Variants in ST3GAL2 observed in about 807,000 individuals in gnomAD.
ST3GAL2 encodes CMP-N-acetylneuraminate-beta-galactosamide-alpha-2,3-sialyltransferase 2.
A neutral mutation model predicts 37.5 loss-of-function variants in ST3GAL2; 16 were observed. The ratio of observed to expected loss-of-function variants is 0.43; its 90% confidence interval spans 0.29 to 0.65. The LOEUF (loss-of-function observed/expected upper bound fraction) is 0.65. Among genes scored for constraint, ST3GAL2 ranks in the 30% least tolerant of loss-of-function variants. ST3GAL2 has a pLI of 0.17. For synonymous variants in ST3GAL2, 238 were observed against 202.9 expected (o/e 1.17, Z -1.47); for missense variants, 383 against 487.8 (o/e 0.79, Z 2.02).
chr16:70,381,619 TGGTCCTG>T lies in ST3GAL2; in HGVS notation c.*63_*69del. 6.4e-7 allele frequency: 1 copy of T among 1,555,500 alleles called. No homozygotes were observed. Among genetic ancestry groups the T allele is most frequent in the East Asian group, 2.3e-5 (1 of 43,692 alleles). On this transcript the variant is annotated 3_prime_UTR_variant, in exon 7 of 7. Transcript: ENST00000342907. ...TGCAGCATGATTGGTCGCGGGTTGCTGGTCCTGGGTCCCGGGCCGGAGCCCCGGTGCC... is the reference window on the plus strand; with the variant it reads ...TGCAGCATGATTGGTCGCGGGTTGCTGGTCCCGGGCCGGAGCCCCGGTGCC...
intron 5 of ST3GAL2, 62 bp downstream of exon 5, chr16:70,383,128 C>T: frequency 6.2e-7 from 1 of 1,601,532 alleles, no homozygotes; most frequent in Non-Finnish European, 8.5e-7. Flanking sequence ...AGCTACAGGA[C>T]CAGGCACACA....
At chr16:70,405,774 C>T (rs1354617983) in intron 1 of ST3GAL2, among the ~76,000 whole-genome samples, 2 of 151,606 alleles carry the variant, frequency 1.3e-5, no homozygotes, top group Admixed American at 1.3e-4. Flanking sequence ...TTAAAAGCCA[C>T]TGACAGCCAG....
intron 1 of ST3GAL2, among the ~76,000 whole-genome samples, chr16:70,409,646 T>C (rs943044031): frequency 6.6e-6 from 1 of 151,840 alleles, no homozygotes; most frequent in East Asian, 1.9e-4. Flanking sequence ...CCCAGGCTTT[T>C]TCCCCCTTTT....
At chr16:70,403,289 C>A (rs756832588) in intron 1 of ST3GAL2, among the ~76,000 whole-genome samples, 38 of 152,076 alleles carry the variant, frequency 2.5e-4, no homozygotes, top group Admixed American at 2.0e-4. Context: ...GAGGCTGTGG[C>A]CTGAGCAACC....
chr16:70,431,825 G>T (rs968495865), intron 1 of ST3GAL2, among the ~76,000 whole-genome samples: 6 of 151,902 alleles, frequency 3.9e-5, no homozygotes, highest in Non-Finnish European at 8.8e-5. Context: ...TTAGCCAGGC[G>T]TGGTGGCGGG....
At position 70,399,507 on chromosome 16, in the gene ST3GAL2, C is replaced by A; in HGVS notation, c.-977G>T. 1 of 398,382 alleles carries A rather than the reference C, an allele frequency of 2.5e-6. No homozygotes were observed. Among genetic ancestry groups the A allele is most frequent in the South Asian group, 1.3e-4 (1 of 7,568 alleles). 24.7% of individuals were successfully genotyped at this position (398,382 alleles called of 1,614,324 possible). A position where few individuals can be genotyped will look rare whatever the true frequency, so the allele number is the denominator to read the frequency against. ...CCCTGGCAGGTTCCCCTTCACATGT[C>A]GGGCGCCAGGCTGCCGCAGCACGAC... On this transcript the variant is annotated 5_prime_UTR_variant, in exon 2 of 7. Transcript: ENST00000342907.
intron 3 of ST3GAL2, among the ~76,000 whole-genome samples, chr16:70,388,949 C>A (rs2047461928): frequency 6.7e-6 from 1 of 149,102 alleles, no homozygotes; most frequent in African/African-American, 2.5e-5. Context: ...GTGGCATGTA[C>A]CTGTAATCCC....
chr16:70,410,669 A>G (rs985541235), intron 1 of ST3GAL2, among the ~76,000 whole-genome samples: 2 of 151,662 alleles, frequency 1.3e-5, no homozygotes, highest in Admixed American at 6.6e-5. Context: ...TCAGTTTTTC[A>G]GTAATGCCAT....
intron 1 of ST3GAL2, among the ~76,000 whole-genome samples, chr16:70,429,728 A>G (rs28396934): frequency 1.6e-5 from 2 of 126,678 alleles, no homozygotes; most frequent in African/African-American, 3.1e-5. Flanking sequence ...TGTAACCTCC[A>G]CCTCCCAGGT....
At position 70,381,505 on chromosome 16, in the gene ST3GAL2, A is replaced by C. The variant is rs964351943; in HGVS notation, c.*184T>G. On this transcript the variant is annotated 3_prime_UTR_variant, in exon 7 of 7. Coordinates refer to ENST00000342907, the MANE Select transcript of ST3GAL2 (RefSeq NM_006927.4). ...CACATGATTGGCTGGGAGAAACAGA[A>C]GCTCCGCCCGACCGCAGCGCAGATT... The C allele has an allele frequency of 4.4e-6, 3 of 678,392 alleles. No homozygotes were observed. In the African/African-American group the frequency reaches 5.4e-5, roughly 12 times the overall value. 42.0% of individuals were successfully genotyped at this position (678,392 alleles called of 1,614,324 possible). A position where few individuals can be genotyped will look rare whatever the true frequency, so the allele number is the denominator to read the frequency against.
chr16:70,406,037 G>T (rs1192252168), intron 1 of ST3GAL2, among the ~76,000 whole-genome samples: 1 of 151,712 alleles, frequency 6.6e-6, no homozygotes, highest in Non-Finnish European at 1.5e-5. Context: ...CTCCGGCCTG[G>T]GCAACAGAGC....
At chr16:70,389,817 T>C (rs1213828763) in intron 3 of ST3GAL2, among the ~76,000 whole-genome samples, 6 of 141,690 alleles carry the variant, frequency 4.2e-5, no homozygotes, top group Non-Finnish European at 7.7e-5. Context: ...GACGGAGTCT[T>C]GCTCTGTCGC....
chr16:70,425,762 G>A (rs1285918657), intron 1 of ST3GAL2, among the ~76,000 whole-genome samples: 1 of 152,126 alleles, frequency 6.6e-6, no homozygotes, highest in Admixed American at 6.6e-5. Flanking sequence ...ATGCAGAAGG[G>A]CTGCCCTGAA....
At chr16:70,392,774 C>G (rs1001671297) in intron 3 of ST3GAL2, among the ~76,000 whole-genome samples, 1 of 152,100 alleles carries the variant, frequency 6.6e-6, no homozygotes. Flanking sequence ...TTGGAGTCAC[C>G]CCCAGTGCCA....
intron 4 of ST3GAL2, among the ~76,000 whole-genome samples, chr16:70,384,990 C>T (rs1410942685): frequency 1.3e-5 from 2 of 148,916 alleles, no homozygotes; most frequent in African/African-American, 5.0e-5. Context: ...TGCTGGGCAA[C>T]AGAGCAAGAC....
At chr16:70,416,638 T>C (rs1465164322) in intron 1 of ST3GAL2, among the ~76,000 whole-genome samples, 1 of 152,222 alleles carries the variant, frequency 6.6e-6, no homozygotes, top group Non-Finnish European at 1.5e-5. Flanking sequence ...TTATTATGAA[T>C]TATATAAGTA....
Position 70,382,795 on chromosome 16 carries a change from G to C in ST3GAL2, c.879+10C>G. 6.2e-7 allele frequency: 1 copy of C among 1,613,838 alleles called. No homozygotes were observed. The stretch of plus-strand genomic sequence containing the variant: ...TGGGTTCCCACCACCCACACCACGG[G>C]CCTACCCACCTCATCACACACATGC... On this transcript the variant is annotated intron_variant, in intron 6 of 6. Coordinates refer to ENST00000342907, the MANE Select transcript of ST3GAL2 (RefSeq NM_006927.4).
chr16:70,389,287 T>C (rs1432146654), intron 3 of ST3GAL2, among the ~76,000 whole-genome samples: 2 of 148,142 alleles, frequency 1.4e-5, no homozygotes, highest in African/African-American at 5.0e-5. Flanking sequence ...ACTGTATACA[T>C]TTTTATTTAT....
At chr16:70,394,873 C>T (rs2047504545) in intron 3 of ST3GAL2, 109 bp downstream of exon 3, 2 of 1,308,104 alleles carry the variant, frequency 1.5e-6, no homozygotes, top group Non-Finnish European at 2.1e-6. Flanking sequence ...CAGGGCCCCA[C>T]AGCACACCGG....
Sources: allele counts gnomAD v4.1 joint callset (sites outside exome capture counted in the v4.1 genomes callset), GRCh38; gene constraint gnomAD v4.1.1; transcripts MANE v1.5; gene names NCBI Gene and HGNC (gene_info 2026-07-23, HGNC 2026-07-21).